The following EXT2 variants were observed in gnomAD, a reference collection of about 807,000 sequenced individuals.
EXT2 encodes exostosin-2.
A neutral mutation model predicts 81.6 loss-of-function variants in EXT2; 53 were observed. The observed-to-expected ratio is 0.65, with a 90% CI of 0.52 to 0.82. EXT2 has a LOEUF of 0.82. Ranked by LOEUF, EXT2 falls within the 40% of genes least tolerant of loss-of-function variation. The probability of loss-of-function intolerance (pLI) is 0.00; values close to 1 mark genes in which losing one functional copy is unlikely to be tolerated. For synonymous variants in EXT2, 320 were observed against 340.0 expected (o/e 0.94, Z 0.65); for missense variants, 774 against 910.2 (o/e 0.85, Z 1.93).
chr11:44,103,557 C>A, intron 1 of EXT2: 1 of 367,486 alleles, frequency 2.7e-6, no homozygotes, highest in Non-Finnish European at 5.2e-6. Context: ...GAAGTGTTTC[C>A]TCTTTTTTTT....
At chr11:44,241,644 C>T (rs899508777) in intron 13 of EXT2, among the ~76,000 whole-genome samples, 6 of 152,214 alleles carry the variant, frequency 3.9e-5, no homozygotes, top group Middle Eastern at 6.8e-3. Context: ...AATAGAAAAC[C>T]ATTAGTTCTT....
rs1261123801 is a variant in EXT2, at chr11:44,107,704, T to C, written c.-9T>C. 2 of 1,612,298 alleles carry C rather than the reference T, an allele frequency of 1.2e-6. No homozygotes were observed. Among genetic ancestry groups the C allele is most frequent in the East Asian group, 2.2e-5 (1 of 44,852 alleles). Reference sequence around the variant, plus strand: ...CCAGGAGTGTGAGGAAGAGGCTGTCTGTGTCATTATGTGTGCGTCGGTCAA... The same window carrying C: ...CCAGGAGTGTGAGGAAGAGGCTGTCCGTGTCATTATGTGTGCGTCGGTCAA... On this transcript the variant is annotated 5_prime_UTR_variant, in exon 2 of 14. Coordinates refer to ENST00000533608, the MANE Select transcript of EXT2 (RefSeq NM_207122.2).
At position 44,237,911 on chromosome 11, in the gene EXT2, A is replaced by AC. The variant is rs1158746586; in HGVS notation, c.2018+1536_2018+1537insC. ...AAACCCCGTCTCTACTTAAAAAAAA[A>AC]AAAAAAAAAAAAAAAAAAACATACA... On this transcript the variant is annotated intron_variant, in intron 13 of 13. Transcript: ENST00000533608. Among the ~76,000 whole-genome samples, 8 of 140,260 alleles carry AC rather than the reference A, an allele frequency of 5.7e-5. No homozygotes were observed. In the East Asian group the frequency reaches 1.8e-3, roughly 31 times the overall value. 92.0% of individuals were successfully genotyped at this position (140,260 alleles called of 152,430 possible). A position where few individuals can be genotyped will look rare whatever the true frequency, so the allele number is the denominator to read the frequency against.
chr11:44,166,761 G>T (rs1954999846), intron 7 of EXT2, among the ~76,000 whole-genome samples: 1 of 152,118 alleles, frequency 6.6e-6, no homozygotes, highest in Non-Finnish European at 1.5e-5. Flanking sequence ...AATAGCCTCT[G>T]GTTTTGAGTG....
At chr11:44,156,660 G>A (rs934275859) in intron 7 of EXT2, among the ~76,000 whole-genome samples, 3 of 152,196 alleles carry the variant, frequency 2.0e-5, no homozygotes, top group South Asian at 2.1e-4. Context: ...CCTCAAAAGA[G>A]CTAATTTGAA....
At chr11:44,222,489 C>T (rs778871663) in intron 10 of EXT2, among the ~76,000 whole-genome samples, 32 of 152,256 alleles carry the variant, frequency 2.1e-4, no homozygotes, top group Non-Finnish European at 4.0e-4. Flanking sequence ...AGGGGTTGTT[C>T]AAAGTATGAT....
At chr11:44,096,009 G>T (rs916013137) in intron 1 of EXT2, among the ~76,000 whole-genome samples, 157 bp downstream of exon 1, 4 of 152,108 alleles carry the variant, frequency 2.6e-5, no homozygotes, top group African/African-American at 7.2e-5. Flanking sequence ...CCCCAGCCCC[G>T]CCGGGGCTGT....
chr11:44,108,231 G>C lies in EXT2; in HGVS notation c.519G>C (p.Ala173=), dbSNP rs148121594. 13,490 of 1,612,728 alleles carry C rather than the reference G, an allele frequency of 8.4e-3. 69 individuals carry two copies. Among genetic ancestry groups the C allele is most frequent in the Non-Finnish European group, 1.0e-2 (11,784 of 1,179,992 alleles). The change falls in exon 2 of 14, where the codon GCG becomes GCC. Residue 173 remains alanine (A), a synonymous_variant. Transcript: ENST00000533608. ...NTLRIKETAQ[A]MAQLSRWDRG... is the part of the protein sequence containing the mutation. ...TGCGCATCAAGGAGACAGCACAAGC[G>C]ATGGCCCAGCTCTCTAGGTATCTCA...
intron 4 of EXT2, among the ~76,000 whole-genome samples, chr11:44,120,832 T>C (rs1954305110): frequency 6.6e-6 from 1 of 152,226 alleles, no homozygotes; most frequent in Non-Finnish European, 1.5e-5. Context: ...ATGAACTAAA[T>C]TGGGAGTTTA....
chr11:44,170,945 A>C (rs929991237), intron 7 of EXT2, among the ~76,000 whole-genome samples: 1 of 152,224 alleles, frequency 6.6e-6, no homozygotes, highest in Non-Finnish European at 1.5e-5. Flanking sequence ...CTGATCTTGC[A>C]TAAAAGTTCT....
rs984201607 is a variant in EXT2 at position 44,108,263 on chromosome 11, T to C, written c.536+15T>C. ...CAGCTCTCTAGGTATCTCACACTCATACAGCCCAGCCCCCAGGAGATACTT... is the reference window on the plus strand; with the variant it reads ...CAGCTCTCTAGGTATCTCACACTCACACAGCCCAGCCCCCAGGAGATACTT... On this transcript the variant is annotated intron_variant, in intron 2 of 13. Coordinates refer to ENST00000533608, the MANE Select transcript of EXT2 (RefSeq NM_207122.2). 1 of 1,609,384 alleles carries C rather than the reference T, an allele frequency of 6.2e-7. No homozygotes were observed. The highest frequency in any genetic ancestry group is 1.1e-5 in the South Asian group (1 of 91,038).
chr11:44,243,618 CTTTT>C (rs1215047805), intron 13 of EXT2, among the ~76,000 whole-genome samples: 2 of 72,904 alleles, frequency 2.7e-5, no homozygotes, highest in Middle Eastern at 0.012. Flanking sequence ...GCCCTGTCAC[CTTTT>C]TTTTTTTTTT....
intron 10 of EXT2, among the ~76,000 whole-genome samples, chr11:44,214,189 C>T (rs1479068326): frequency 1.3e-5 from 2 of 152,126 alleles, no homozygotes; most frequent in Non-Finnish European, 2.9e-5. Context: ...TCTCGGCTCA[C>T]TGCAAGCTCC....
intron 11 of EXT2, among the ~76,000 whole-genome samples, chr11:44,232,761 T>C (rs935457494): frequency 3.9e-5 from 6 of 152,230 alleles, no homozygotes; most frequent in African/African-American, 1.4e-4. Flanking sequence ...TATTTCCAGC[T>C]TGCCGTTTAT....
chr11:44,145,447 A>G (rs564871577), intron 7 of EXT2, among the ~76,000 whole-genome samples: 1 of 152,312 alleles, frequency 6.6e-6, no homozygotes, highest in African/African-American at 2.4e-5. Context: ...AAGAGTTATC[A>G]GAAGAGTTAG....
rs1403873034 is a variant in EXT2, at chr11:44,171,724, G to T, written c.1287G>T (p.Trp429Cys). Residue 429 changes from tryptophan (W) to cysteine (C), a missense_variant, in exon 8 of 14, where the codon TGG becomes TGT. Physicochemically the swap from Trp to Cys is radical, Grantham distance 215. This residue lies in a region of EXT2 where 626 missense variants were observed against 670.5 expected (regional missense o/e 0.93). Coordinates refer to ENST00000533608, the MANE Select transcript of EXT2 (RefSeq NM_207122.2). The part of the protein sequence containing the change: ...YPYAAISYEE[W>C]NDPPAVKWGS... ...ATGCTGCCATCTCCTATGAAGAATG[G>T]AATGACCCTCCTGCTGTGGTAAGTG... is the stretch of plus-strand genomic sequence containing the variant. 3.1e-6 allele frequency: 5 copies of T among 1,613,910 alleles called. No individual in the cohort carries two copies. Among genetic ancestry groups the T allele is most frequent in the South Asian group, 1.1e-5 (1 of 91,088 alleles).
chr11:44,244,398 T>C lies in EXT2; in HGVS notation c.*111T>C. 3.2e-6 allele frequency: 4 copies of C among 1,239,580 alleles called. No individual in the cohort carries two copies. Among genetic ancestry groups the C allele is most frequent in the Non-Finnish European group, 4.7e-6 (4 of 851,526 alleles). The allele number at this position is 1,239,580 out of a possible 1,614,324, so 76.8% of individuals were successfully genotyped here. A position where few individuals can be genotyped will look rare whatever the true frequency, so the allele number is the denominator to read the frequency against. ...GGTTAAGGGTGGAAGGTTGACCTAC[T>C]TGGATCTTGGCATGCACCCACCTAA... is the stretch of plus-strand genomic sequence containing the variant. On this transcript the variant is annotated 3_prime_UTR_variant, in exon 14 of 14. Coordinates refer to ENST00000533608, the MANE Select transcript of EXT2 (RefSeq NM_207122.2).
At chr11:44,096,017 T>C (rs1265059290) in intron 1 of EXT2, among the ~76,000 whole-genome samples, 165 bp downstream of exon 1, 1 of 152,162 alleles carries the variant, frequency 6.6e-6, no homozygotes. Flanking sequence ...CCGCCGGGGC[T>C]GTGACAATGA....
chr11:44,234,296 T>A (rs1955935300), intron 12 of EXT2, 53 bp downstream of exon 12: 1 of 1,554,824 alleles, frequency 6.4e-7, no homozygotes, highest in African/African-American at 1.4e-5. Flanking sequence ...ATATCTATTA[T>A]CTGAGCCTAG....
Sources: gnomAD v4.1 joint callset for allele counts (sites outside exome capture counted in the v4.1 genomes callset) on GRCh38, gnomAD v4.1.1 for gene constraint, gnomAD v4.1.1 regional missense constraint, MANE v1.5 for transcripts, NCBI Gene and HGNC (gene_info 2026-07-23, HGNC 2026-07-21) for gene names.